Variants in BCAS4 observed in about 807,000 individuals in gnomAD.
BCAS4 encodes the protein breast carcinoma amplified sequence 4, also known as breast carcinoma-amplified sequence 4.
In BCAS4, 9 loss-of-function variants were observed where a neutral mutation model predicts 15.7. The observed-to-expected ratio is 0.57, with a 90% CI of 0.34 to 1.00. The LOEUF (loss-of-function observed/expected upper bound fraction) is 1.00. Ranked by LOEUF, BCAS4 falls within the 50% of genes least tolerant of loss-of-function variation. The pLI, the probability that BCAS4 is intolerant of heterozygous loss-of-function variation, is 0.02. For synonymous variants in BCAS4, 101 were observed against 99.5 expected (o/e 1.02, Z -0.09); for missense variants, 225 against 239.1 (o/e 0.94, Z 0.39).
At chr20:50,813,477 G>T (rs1475927673) in intron 1 of BCAS4, among the ~76,000 whole-genome samples, 1 of 152,170 alleles carries the variant, frequency 6.6e-6, no homozygotes, top group African/African-American at 2.4e-5. Flanking sequence ...CATGGTGCTT[G>T]GTTGTATGGG....
intron 1 of BCAS4, among the ~76,000 whole-genome samples, chr20:50,809,456 G>A (rs933453845): frequency 7.9e-5 from 12 of 152,052 alleles, no homozygotes; most frequent in Admixed American, 7.2e-4. Context: ...CGATCCACCC[G>A]CCTCGGCCTC....
intron 3 of BCAS4, chr20:50,832,871 C>G (rs1406152682): frequency 1.3e-5 from 2 of 152,210 alleles, no homozygotes; most frequent in Non-Finnish European, 2.9e-5. Context: ...CAGTGACCTC[C>G]CATTCCAAGA....
At chr20:50,803,669 C>T (rs1026558146) in intron 1 of BCAS4, among the ~76,000 whole-genome samples, 1 of 151,872 alleles carries the variant, frequency 6.6e-6, no homozygotes, top group Non-Finnish European at 1.5e-5. Flanking sequence ...ATAGCAAGAC[C>T]ATGTCTCTAC....
intron 4 of BCAS4, among the ~76,000 whole-genome samples, chr20:50,875,170 C>T (rs549078411): frequency 1.1e-4 from 16 of 152,312 alleles, no homozygotes; most frequent in African/African-American, 3.1e-4. Flanking sequence ...GCGTGGGCCC[C>T]GGGCATCAGT....
chr20:50,798,269 C>T (rs915560073), intron 1 of BCAS4, among the ~76,000 whole-genome samples: 19 of 152,012 alleles, frequency 1.2e-4, no homozygotes, highest in Non-Finnish European at 5.9e-5. Context: ...GCACTCCAGC[C>T]TGGGCAATAG....
intron 4 of BCAS4, among the ~76,000 whole-genome samples, chr20:50,865,842 G>A (rs1416958590): frequency 6.6e-6 from 1 of 152,072 alleles, no homozygotes; most frequent in Non-Finnish European, 1.5e-5. Flanking sequence ...GGACACGCAG[G>A]GGCTGCCCAC....
chr20:50,818,304 G>GTGGGTTTAGGCCTGGAAGGCT, intron 2 of BCAS4, 22 bp downstream of exon 2: 1 of 1,607,976 alleles, frequency 6.2e-7, no homozygotes, highest in Non-Finnish European at 8.5e-7. Context: ...CCTGGAAGGC[G>GTGGGTTTAGGCCTGGAAGGCT]TGGGTTTAGG....
chr20:50,807,750 G>T (rs1334213291), intron 1 of BCAS4, among the ~76,000 whole-genome samples: 76 of 152,156 alleles, frequency 5.0e-4, no homozygotes, highest in Non-Finnish European at 9.6e-4. Flanking sequence ...TTACGAGTGA[G>T]AACATACGAT....
intron 4 of BCAS4, among the ~76,000 whole-genome samples, chr20:50,845,593 T>C (rs2088533851): frequency 6.6e-6 from 1 of 152,016 alleles, no homozygotes; most frequent in African/African-American, 2.4e-5. Context: ...TCCTGGTCTC[T>C]CCCCCAGGAC....
At chr20:50,835,194 A>C (rs1407203536) in intron 3 of BCAS4, among the ~76,000 whole-genome samples, 1 of 151,876 alleles carries the variant, frequency 6.6e-6, no homozygotes, top group Non-Finnish European at 1.5e-5. Flanking sequence ...CGTTTCAAAC[A>C]GTTTTCCAAA....
chr20:50,861,673 C>A (rs977020896), intron 4 of BCAS4, among the ~76,000 whole-genome samples: 1 of 152,048 alleles, frequency 6.6e-6, no homozygotes, highest in Admixed American at 6.6e-5. Context: ...AGCGACTACC[C>A]CAGCTCCCTT....
rs188616248 is a variant in BCAS4, at chr20:50,810,627, G to A, written c.91-7584G>A. Among the ~76,000 whole-genome samples the A allele has an allele frequency of 2.8e-3, 389 of 140,106 alleles. 4 individuals carry two copies. Among genetic ancestry groups the A allele is most frequent in the Admixed American group, 0.021 (271 of 13,122 alleles). 91.9% of individuals were successfully genotyped at this position (140,106 alleles called of 152,430 possible). A position where few individuals can be genotyped will look rare whatever the true frequency, so the allele number is the denominator to read the frequency against. On this transcript the variant is annotated intron_variant, in intron 1 of 4. Transcript: ENST00000371608. ...TTTTGAGACGGAGTCGTCTCGCTCT[G>A]TCGCCCAGGCTGGAGTGCAGTGGCG...
intron 4 of BCAS4, among the ~76,000 whole-genome samples, chr20:50,850,230 C>A (rs543703689): frequency 6.6e-6 from 1 of 152,362 alleles, no homozygotes; most frequent in South Asian, 2.1e-4. Flanking sequence ...TGCCTCATCT[C>A]AATTTCCTGT....
intron 4 of BCAS4, among the ~76,000 whole-genome samples, chr20:50,854,457 G>C (rs1225158534): frequency 6.6e-6 from 1 of 152,158 alleles, no homozygotes; most frequent in Non-Finnish European, 1.5e-5. Context: ...GCTCTGCGCT[G>C]ACCTCATTAC....
intron 2 of BCAS4, 22 bp from the exon 3 acceptor site, chr20:50,830,257 T>G (rs1298716402): frequency 3.1e-6 from 5 of 1,599,062 alleles, no homozygotes; most frequent in African/African-American, 2.7e-5. Flanking sequence ...GAAGGCCTGA[T>G]GAGCTGTTTT....
At chr20:50,838,133 A>ACACT (rs1358231428) in intron 3 of BCAS4, among the ~76,000 whole-genome samples, 3 of 152,214 alleles carry the variant, frequency 2.0e-5, no homozygotes, top group Admixed American at 6.5e-5. Context: ...TGCTAAGGAT[A>ACACT]CACTCACTCA....
intron 2 of BCAS4, among the ~76,000 whole-genome samples, chr20:50,821,974 G>A (rs759065643): frequency 6.6e-5 from 10 of 152,142 alleles, no homozygotes; most frequent in Non-Finnish European, 1.0e-4. Flanking sequence ...GAAAATAATG[G>A]TTCTGATTAT....
At chr20:50,798,797 A>G (rs865844727) in intron 1 of BCAS4, among the ~76,000 whole-genome samples, 3 of 152,186 alleles carry the variant, frequency 2.0e-5, no homozygotes, top group South Asian at 2.1e-4. Flanking sequence ...CTGAGCACAT[A>G]CTGTGTGGCA....
chr20:50,870,617 G>T (rs1169282759), intron 4 of BCAS4, among the ~76,000 whole-genome samples: 2 of 152,250 alleles, frequency 1.3e-5, no homozygotes, highest in African/African-American at 4.8e-5. Context: ...CAGCCATGAG[G>T]GACTGTGGGC....
Sources: allele counts gnomAD v4.1 joint callset (sites outside exome capture counted in the v4.1 genomes callset), GRCh38; gene constraint gnomAD v4.1.1; transcripts MANE v1.5; gene names NCBI Gene and HGNC (gene_info 2026-07-23, HGNC 2026-07-21).